The following STMN2 variants were observed in gnomAD, a reference collection of about 807,000 sequenced individuals.
STMN2 encodes the protein stathmin 2.
In STMN2, 2 loss-of-function variants were observed where a neutral mutation model predicts 24.1. That is an observed-to-expected ratio of 0.08 (90% CI 0.03 to 0.26). The LOEUF is 0.26. Among genes scored for constraint, STMN2 ranks in the 10% least tolerant of loss-of-function variants. The pLI, the probability that STMN2 is intolerant of heterozygous loss-of-function variation, is 1.00. For missense variants in STMN2, 114 were observed against 213.6 expected (o/e 0.53, Z 2.91); for synonymous variants, 83 against 77.5 (o/e 1.07, Z -0.37).
intron 1 of STMN2, among the ~76,000 whole-genome samples, chr8:79,619,371 GT>G (rs920131812): frequency 2.0e-5 from 3 of 152,002 alleles, no homozygotes; most frequent in African/African-American, 7.2e-5. Context: ...GTCTTTGGAA[GT>G]TTTTTTTCCT....
intron 1 of STMN2, among the ~76,000 whole-genome samples, chr8:79,624,479 G>A (rs112096121): frequency 5.9e-3 from 603 of 102,820 alleles, no homozygotes; most frequent in Middle Eastern, 0.023. Flanking sequence ...AAAAAAAAAA[G>A]AAAGAAAGAA....
intron 1 of STMN2, among the ~76,000 whole-genome samples, chr8:79,621,380 A>C (rs1809512062): frequency 6.6e-6 from 1 of 152,242 alleles, no homozygotes; most frequent in Admixed American, 6.5e-5. Context: ...ATGAGTAAAG[A>C]GGGAACAAGG....
At chr8:79,645,993 A>G (rs13278787) in intron 3 of STMN2, among the ~76,000 whole-genome samples, 16,930 of 152,220 alleles carry the variant, frequency 0.11, 1,248 homozygotes, top group Non-Finnish European at 0.17. Flanking sequence ...TTATTACTGT[A>G]AACATTTTTT....
At chr8:79,613,444 T>G (rs1355141731) in intron 1 of STMN2, 4 of 985,346 alleles carry the variant, frequency 4.1e-6, no homozygotes, top group Non-Finnish European at 4.8e-6. Flanking sequence ...CGCAGTGTCC[T>G]GAGCTACCCC....
At chr8:79,634,767 A>G (rs1809902034) in intron 1 of STMN2, among the ~76,000 whole-genome samples, 1 of 152,212 alleles carries the variant, frequency 6.6e-6, no homozygotes, top group South Asian at 2.1e-4. Context: ...GTGGATCTAA[A>G]GCATCCAGGG....
At chr8:79,638,318 G>C (rs1810013575) in intron 2 of STMN2, among the ~76,000 whole-genome samples, 1 of 152,136 alleles carries the variant, frequency 6.6e-6, no homozygotes, top group Admixed American at 6.6e-5. Flanking sequence ...TGAAAAAAGG[G>C]GAAGAAAATA....
chr8:79,637,897 A>G (rs886757845), intron 2 of STMN2, among the ~76,000 whole-genome samples: 3 of 152,198 alleles, frequency 2.0e-5, no homozygotes, highest in African/African-American at 7.2e-5. Context: ...CAAGGACTCA[A>G]AGGCATTTAC....
At chr8:79,621,761 G>A (rs1376628607) in intron 1 of STMN2, among the ~76,000 whole-genome samples, 1 of 152,120 alleles carries the variant, frequency 6.6e-6, no homozygotes, top group Non-Finnish European at 1.5e-5. Flanking sequence ...AAATATGAGA[G>A]GGCTGATAAG....
chr8:79,643,139 A>ATG (rs201032345), intron 3 of STMN2, among the ~76,000 whole-genome samples: 1,189 of 104,454 alleles, frequency 0.011, 22 homozygotes, highest in African/African-American at 0.04. Context: ...TGGTGTGTGT[A>ATG]TGTGTGTGTG....
intron 4 of STMN2, among the ~76,000 whole-genome samples, chr8:79,664,345 A>G (rs1014626836): frequency 2.6e-5 from 4 of 152,196 alleles, no homozygotes; most frequent in African/African-American, 9.7e-5. Context: ...CGTCACTTGG[A>G]CTGCAATTAT....
intron 3 of STMN2, among the ~76,000 whole-genome samples, chr8:79,650,078 C>T (rs542954460): frequency 7.2e-5 from 11 of 152,296 alleles, no homozygotes; most frequent in East Asian, 1.9e-4. Context: ...TCTCCCGGAA[C>T]GTCACGTTGA....
At chr8:79,635,872 G>A (rs909013183) in intron 1 of STMN2, among the ~76,000 whole-genome samples, 2 of 151,710 alleles carry the variant, frequency 1.3e-5, no homozygotes, top group Non-Finnish European at 2.9e-5. Context: ...TAAAAAGACT[G>A]CACATATACC....
chr8:79,635,194 G>C (rs929155878), intron 1 of STMN2, among the ~76,000 whole-genome samples: 1 of 152,154 alleles, frequency 6.6e-6, no homozygotes, highest in African/African-American at 2.4e-5. Context: ...AAATGAAATG[G>C]GGAAGGGGAG....
At chr8:79,652,651 A>G (rs1315852574) in intron 3 of STMN2, among the ~76,000 whole-genome samples, 2 of 152,106 alleles carry the variant, frequency 1.3e-5, no homozygotes, top group African/African-American at 2.4e-5. Context: ...GCTTTTGATA[A>G]TAATGATTAC....
chr8:79,620,874 G>A, intron 1 of STMN2: 1 of 669,414 alleles, frequency 1.5e-6, no homozygotes. Context: ...GTCTGAAGCA[G>A]GTCCCATGGA....
chr8:79,661,625 T>C (rs916626680), intron 4 of STMN2, among the ~76,000 whole-genome samples: 2 of 152,132 alleles, frequency 1.3e-5, no homozygotes, highest in Non-Finnish European at 2.9e-5. Flanking sequence ...CATTTTTGGA[T>C]GTACTATCAC....
At chr8:79,662,924 G>C (rs1585916234) in intron 4 of STMN2, among the ~76,000 whole-genome samples, 3 of 152,144 alleles carry the variant, frequency 2.0e-5, no homozygotes, top group Admixed American at 2.0e-4. Flanking sequence ...AAAAGATTTT[G>C]CTTCATCTTT....
intron 2 of STMN2, among the ~76,000 whole-genome samples, chr8:79,639,689 T>C (rs748764052): frequency 8.5e-5 from 13 of 152,236 alleles, no homozygotes; most frequent in Non-Finnish European, 1.2e-4. Flanking sequence ...CTAACCATTC[T>C]TCAGTTCTTT....
At chr8:79,659,885 C>A (rs1806466946) in intron 4 of STMN2, among the ~76,000 whole-genome samples, 1 of 151,154 alleles carries the variant, frequency 6.6e-6, no homozygotes, top group South Asian at 2.1e-4. Flanking sequence ...TGGATATAGA[C>A]TTTTTACAAC....
Sources: gnomAD v4.1 joint callset for allele counts (sites outside exome capture counted in the v4.1 genomes callset) on GRCh38, gnomAD v4.1.1 for gene constraint, MANE v1.5 for transcripts, NCBI Gene and HGNC (gene_info 2026-07-23, HGNC 2026-07-21) for gene names.